The following TNKS variants were observed in gnomAD, a reference collection of about 807,000 sequenced individuals.
TNKS encodes tankyrase, also known as poly [ADP-ribose] polymerase tankyrase-1.
In TNKS, 72 loss-of-function variants were observed where a neutral mutation model predicts 135.8. That is an observed-to-expected ratio of 0.53 (90% CI 0.44 to 0.64). The LOEUF (loss-of-function observed/expected upper bound fraction) is 0.64. Ranked by LOEUF, TNKS falls within the 30% of genes least tolerant of loss-of-function variation. The pLI is 0.00. For synonymous variants in TNKS, 849 were observed against 649.3 expected (o/e 1.31, Z -4.68); for missense variants, 1,769 against 1,674.0 (o/e 1.06, Z -0.99).
At chr8:9,754,431 C>T (rs1432519408) in intron 20 of TNKS, among the ~76,000 whole-genome samples, 1 of 152,094 alleles carries the variant, frequency 6.6e-6, no homozygotes, top group Non-Finnish European at 1.5e-5. Flanking sequence ...GGCTTATAGT[C>T]AGTTTGGAGT....
chr8:9,760,786 A>C (rs1161780475), intron 20 of TNKS, among the ~76,000 whole-genome samples: 2 of 152,228 alleles, frequency 1.3e-5, no homozygotes, highest in Non-Finnish European at 2.9e-5. Context: ...AAGGATGAAT[A>C]ACCAAAAGTT....
intron 1 of TNKS, among the ~76,000 whole-genome samples, chr8:9,569,397 T>A (rs947930701): frequency 2.6e-5 from 4 of 152,232 alleles, no homozygotes; most frequent in African/African-American, 9.6e-5. Context: ...CTGTCCTATG[T>A]CTTTTGAGTC....
intron 9 of TNKS, among the ~76,000 whole-genome samples, chr8:9,709,324 C>G (rs1047563312): frequency 6.6e-6 from 1 of 152,056 alleles, no homozygotes; most frequent in African/African-American, 2.4e-5. Context: ...ATATTCATAG[C>G]CACAGAATAA....
chr8:9,668,481 A>G (rs548044764), intron 3 of TNKS, among the ~76,000 whole-genome samples: 2 of 152,370 alleles, frequency 1.3e-5, no homozygotes, highest in East Asian at 3.9e-4. Context: ...GGTTAGAAAT[A>G]TAATCTTAGA....
chr8:9,632,159 T>C (rs1004543537), intron 3 of TNKS, among the ~76,000 whole-genome samples: 3 of 152,236 alleles, frequency 2.0e-5, no homozygotes, highest in Non-Finnish European at 2.9e-5. Flanking sequence ...TTCTGTTTAA[T>C]TCAAATTCAA....
At chr8:9,660,186 G>T (rs1376131046) in intron 3 of TNKS, among the ~76,000 whole-genome samples, 1 of 152,178 alleles carries the variant, frequency 6.6e-6, no homozygotes, top group Non-Finnish European at 1.5e-5. Context: ...CATTCCTTCT[G>T]AAACTATTCC....
At chr8:9,701,388 T>A (rs1406756543) in intron 5 of TNKS, among the ~76,000 whole-genome samples, 5 of 152,218 alleles carry the variant, frequency 3.3e-5, no homozygotes, top group African/African-American at 1.2e-4. Context: ...ATCTTTTTGT[T>A]CATAAGCAAG....
At chr8:9,567,741 A>T (rs747650323) in intron 1 of TNKS, among the ~76,000 whole-genome samples, 2 of 152,200 alleles carry the variant, frequency 1.3e-5, no homozygotes, top group Non-Finnish European at 2.9e-5. Context: ...TTAAAAGACT[A>T]TATAGAGTTG....
chr8:9,704,180 G>A (rs1465873110), intron 5 of TNKS, among the ~76,000 whole-genome samples: 1 of 152,096 alleles, frequency 6.6e-6, no homozygotes, highest in Non-Finnish European at 1.5e-5. Flanking sequence ...TGTTCAAATT[G>A]TTCTTTAGGG....
intron 26 of TNKS, among the ~76,000 whole-genome samples, chr8:9,772,689 G>C (rs1164902697): frequency 6.6e-6 from 1 of 151,980 alleles, no homozygotes; most frequent in Non-Finnish European, 1.5e-5. Context: ...GGTTGATTCT[G>C]TACTTACGTA....
At chr8:9,770,935 C>T (rs1807792930) in intron 26 of TNKS, among the ~76,000 whole-genome samples, 1 of 151,640 alleles carries the variant, frequency 6.6e-6, no homozygotes, top group Non-Finnish European at 1.5e-5. Flanking sequence ...ATTTGAGGAG[C>T]CAAAATTCTC....
intron 1 of TNKS, among the ~76,000 whole-genome samples, chr8:9,559,367 G>T (rs867887968): frequency 6.6e-6 from 1 of 152,060 alleles, no homozygotes; most frequent in Admixed American, 6.6e-5. Flanking sequence ...AGGTTGGAAG[G>T]GACGATGTTA....
At chr8:9,765,840 T>TACTGACTCCTGCAAAG in intron 24 of TNKS, 43 bp downstream of exon 24, 1 of 1,530,088 alleles carries the variant, frequency 6.5e-7, no homozygotes, top group Non-Finnish European at 9.0e-7. Flanking sequence ...CCTGGGCCTT[T>TACTGACTCCTGCAAAG]GCAGGAGTCA....
chr8:9,686,584 C>T (rs1448185263), intron 5 of TNKS, among the ~76,000 whole-genome samples: 3 of 151,956 alleles, frequency 2.0e-5, no homozygotes, highest in Non-Finnish European at 4.4e-5. Context: ...GAAAATGATT[C>T]GTTGATAGTT....
rs76382486 is a variant in TNKS at position 9,580,868 on chromosome 8, A to C, written c.898+485A>C. Among the ~76,000 whole-genome samples the C allele has an allele frequency of 6.6e-3, 998 of 152,336 alleles. 2 individuals carry two copies. The highest frequency in any genetic ancestry group is 0.021 in the African/African-American group (882 of 41,578). ...TTCAATATGTGCCATAGTCTAGAGA[A>C]AAAGCAATTTCAAACAAATTGGACT... On this transcript the variant is annotated intron_variant, in intron 2 of 26. Transcript: ENST00000310430.
At chr8:9,681,307 G>T (rs1433330020) in intron 5 of TNKS, among the ~76,000 whole-genome samples, 2 of 152,034 alleles carry the variant, frequency 1.3e-5, no homozygotes, top group Non-Finnish European at 2.9e-5. Flanking sequence ...AGTTTTAGTT[G>T]TGGAATATTG....
intron 2 of TNKS, among the ~76,000 whole-genome samples, chr8:9,584,164 TA>T (rs34977301): frequency 0.26 from 29,828 of 114,492 alleles, 3,960 homozygotes; most frequent in Non-Finnish European, 0.34. Context: ...ACTCTGTCTT[TA>T]AAAAAAAAAA....
chr8:9,624,714 G>C (rs1799991099), intron 3 of TNKS, among the ~76,000 whole-genome samples: 1 of 152,066 alleles, frequency 6.6e-6, no homozygotes, highest in Admixed American at 6.5e-5. Flanking sequence ...TTTTCTGGAA[G>C]AGACTGTAAT....
At chr8:9,753,638 T>G (rs770619080) in intron 20 of TNKS, among the ~76,000 whole-genome samples, 1 of 152,250 alleles carries the variant, frequency 6.6e-6, no homozygotes, top group Non-Finnish European at 1.5e-5. Context: ...ACTATTGATA[T>G]ACATGAAATT....
Sources: gnomAD v4.1 joint callset for allele counts (sites outside exome capture counted in the v4.1 genomes callset) on GRCh38, gnomAD v4.1.1 for gene constraint, MANE v1.5 for transcripts, NCBI Gene and HGNC (gene_info 2026-07-23, HGNC 2026-07-21) for gene names.